ANKFN1: variants seen among roughly 807,000 people sequenced by gnomAD.
ANKFN1 encodes ankyrin repeat and fibronectin type-III domain-containing protein 1.
In ANKFN1, 74 loss-of-function variants were observed where a neutral mutation model predicts 108.7. The ratio of observed to expected loss-of-function variants is 0.68; its 90% CI spans 0.56 to 0.83. The LOEUF (loss-of-function observed/expected upper bound fraction) is 0.83, where lower values mean the gene tolerates loss of function less well. ANKFN1 is among the 40% of genes least tolerant of loss of function. ANKFN1 has a pLI of 0.00. For missense variants in ANKFN1, 1,505 were observed against 1,382.3 expected (o/e 1.09, Z -1.41); for synonymous variants, 547 against 516.2 (o/e 1.06, Z -0.81).
chr17:56,070,983 C>A (rs1325591159), intron 4 of ANKFN1, among the ~76,000 whole-genome samples: 1 of 148,858 alleles, frequency 6.7e-6, no homozygotes, highest in African/African-American at 2.6e-5. Flanking sequence ...ATCTGCCCAC[C>A]TCAGCCTCCC....
chr17:56,148,820 A>C (rs550252359), upstream of ANKFN1, among the ~76,000 whole-genome samples: 48 of 152,172 alleles, frequency 3.2e-4, no homozygotes, highest in African/African-American at 1.1e-3. Context: ...ACACCCTCTT[A>C]TTTTGTCTCT....
intron 3 of ANKFN1, among the ~76,000 whole-genome samples, chr17:56,309,419 G>C (rs2044942412): frequency 1.3e-5 from 2 of 152,000 alleles, no homozygotes; most frequent in Non-Finnish European, 1.5e-5. Flanking sequence ...CCTGATATTG[G>C]TAAATTGCAT....
intron 1 of ANKFN1, among the ~76,000 whole-genome samples, chr17:56,203,737 C>G (rs992385519): frequency 1.3e-4 from 20 of 152,106 alleles, no homozygotes; most frequent in African/African-American, 4.6e-4. Context: ...GTCAGCTCTC[C>G]GTGTACCTAG....
chr17:56,136,099 A>G (rs1283384683), intron 4 of ANKFN1, among the ~76,000 whole-genome samples: 1 of 152,204 alleles, frequency 6.6e-6, no homozygotes, highest in Non-Finnish European at 1.5e-5. Context: ...TCTGTCAGGA[A>G]GAGTTTGACC....
At chr17:56,303,250 A>G (rs2044723442) in intron 3 of ANKFN1, among the ~76,000 whole-genome samples, 1 of 152,238 alleles carries the variant, frequency 6.6e-6, no homozygotes, top group Non-Finnish European at 1.5e-5. Flanking sequence ...TAGCAGAGTC[A>G]TGAAAGTGTC....
At chr17:56,167,318 CATATATATATAT>C (rs72496812) in intron 1 of ANKFN1, among the ~76,000 whole-genome samples, 1 of 133,250 alleles carries the variant, frequency 7.5e-6, no homozygotes, top group South Asian at 2.4e-4. Context: ...CACACACACA[CATATATATATAT>C]ATATATATAT....
intron 8 of ANKFN1, among the ~76,000 whole-genome samples, chr17:56,391,232 T>C (rs1164932280): frequency 4.8e-4 from 16 of 33,476 alleles, no homozygotes; most frequent in Admixed American, 2.6e-3. Context: ...TATATATATA[T>C]ATATATATAT....
rs571147175 is a variant in ANKFN1, at chr17:56,177,008, A to G, written c.-71+23478A>G. ...CAAGCCAGGTAATTCCAAGAAGGCCAGGTTGGAGTTTCCAGGAACTCATGC... is the reference window on the plus strand; with the variant it reads ...CAAGCCAGGTAATTCCAAGAAGGCCGGGTTGGAGTTTCCAGGAACTCATGC... On this transcript the variant is annotated intron_variant, in intron 1 of 20. Transcript: ENST00000682825. Among the ~76,000 whole-genome samples the G allele has an allele frequency of 3.9e-5, 6 of 152,352 alleles. No individual in the cohort carries two copies. In the East Asian group the frequency reaches 1.2e-3, roughly 29 times the overall value.
chr17:56,232,032 G>C (rs542964021), intron 3 of ANKFN1, among the ~76,000 whole-genome samples: 1 of 151,966 alleles, frequency 6.6e-6, no homozygotes, highest in African/African-American at 2.4e-5. Flanking sequence ...TCTGACTTTG[G>C]GTCATTTGTG....
intron 8 of ANKFN1, among the ~76,000 whole-genome samples, chr17:56,383,163 G>T (rs2144825968): frequency 6.6e-6 from 1 of 152,160 alleles, no homozygotes; most frequent in African/African-American, 2.4e-5. Context: ...CTAGAACTCA[G>T]GATTAAGAAA....
At chr17:56,456,623 C>G (rs2049710845) in intron 11 of ANKFN1, among the ~76,000 whole-genome samples, 1 of 151,828 alleles carries the variant, frequency 6.6e-6, no homozygotes, top group Admixed American at 6.6e-5. Flanking sequence ...GTCTTGAACT[C>G]CTGACCTCGT....
rs1911418044 is a variant in ANKFN1 at position 56,178,866 on chromosome 17, A to G, written c.-71+25336A>G. On this transcript the variant is annotated intron_variant, in intron 1 of 20. Transcript: ENST00000682825. ...CTATTTGAACATGTTTCTTGATCATAGGATAAATGTCCCTTAAAACAGATT... is the reference window on the plus strand; with the variant it reads ...CTATTTGAACATGTTTCTTGATCATGGGATAAATGTCCCTTAAAACAGATT... Among the ~76,000 whole-genome samples, 4 of 152,220 alleles carry G rather than the reference A, an allele frequency of 2.6e-5. No homozygotes were observed. In the South Asian group the frequency reaches 8.3e-4, roughly 32 times the overall value.
chr17:56,201,936 G>A (rs939148632), intron 1 of ANKFN1, among the ~76,000 whole-genome samples: 2 of 152,174 alleles, frequency 1.3e-5, no homozygotes, highest in African/African-American at 2.4e-5. Flanking sequence ...TCCATCCAGT[G>A]GGCACTGAGA....
At chr17:56,420,268 A>G (rs1027660636) in intron 8 of ANKFN1, among the ~76,000 whole-genome samples, 1 of 152,212 alleles carries the variant, frequency 6.6e-6, no homozygotes, top group Admixed American at 6.5e-5. Flanking sequence ...CTCCCATTCA[A>G]AAAAGTAAAA....
chr17:56,293,773 C>T (rs962052595), intron 3 of ANKFN1, among the ~76,000 whole-genome samples: 1 of 152,298 alleles, frequency 6.6e-6, no homozygotes, highest in African/African-American at 2.4e-5. Flanking sequence ...AATAAATATT[C>T]GCTACATGAA....
intron 4 of ANKFN1, among the ~76,000 whole-genome samples, chr17:56,107,046 G>A (rs962695742): frequency 1.3e-5 from 2 of 152,180 alleles, no homozygotes; most frequent in East Asian, 3.9e-4. Context: ...ATAATCCAGG[G>A]GGCAAAGTGC....
chr17:56,211,336 C>T (rs2143812483), intron 1 of ANKFN1, among the ~76,000 whole-genome samples: 1 of 152,144 alleles, frequency 6.6e-6, no homozygotes, highest in East Asian at 1.9e-4. Context: ...GCCAATTATC[C>T]CAGCACCATT....
intron 16 of ANKFN1, among the ~76,000 whole-genome samples, chr17:56,478,085 C>T (rs541418150): frequency 2.1e-3 from 314 of 152,258 alleles, no homozygotes; most frequent in African/African-American, 7.2e-3. Flanking sequence ...CCTCAGCCTC[C>T]CAAAGTGCTG....
intron 4 of ANKFN1, among the ~76,000 whole-genome samples, chr17:56,064,129 G>T (rs190084458): frequency 5.6e-4 from 86 of 152,252 alleles, no homozygotes; most frequent in Non-Finnish European, 8.2e-4. Flanking sequence ...CTTCTTCTGG[G>T]ATCTCTGACC....
Sources: allele counts gnomAD v4.1 joint callset (sites outside exome capture counted in the v4.1 genomes callset), GRCh38; gene constraint gnomAD v4.1.1; transcripts MANE v1.5; gene names NCBI Gene and HGNC (gene_info 2026-07-23, HGNC 2026-07-21).